TYK2: variants seen among roughly 807,000 people sequenced by gnomAD.
The protein encoded by TYK2 is non-receptor tyrosine-protein kinase TYK2.
Under a neutral mutation model 130.9 loss-of-function variants are expected in TYK2, and 65 were observed. That is an observed-to-expected ratio of 0.50 (90% confidence interval 0.41 to 0.61). TYK2 has a LOEUF of 0.61. TYK2 is among the 20% of genes least tolerant of loss of function. The pLI is 0.00. For missense variants in TYK2, 1,378 were observed against 1,610.7 expected, an observed-to-expected ratio of 0.86 and a Z score of 2.47; for synonymous variants, 647 against 658.9, an observed-to-expected ratio of 0.98 and a Z score of 0.28.
intron 5 of TYK2, among the ~76,000 whole-genome samples, chr19:10,367,207 AC>A (rs2041701310): frequency 6.6e-6 from 1 of 152,086 alleles, no homozygotes; most frequent in South Asian, 2.1e-4. Flanking sequence ...GCGTCTTACC[AC>A]CTTGAGGAGG....
intron 23 of TYK2, among the ~76,000 whole-genome samples, chr19:10,352,113 C>T (rs929108864): frequency 1.4e-4 from 21 of 151,716 alleles, no homozygotes; most frequent in African/African-American, 5.1e-4. Context: ...CGCTCTGTCA[C>T]CCAGCTGGAG....
intron 9 of TYK2, among the ~76,000 whole-genome samples, 180 bp from the exon 10 acceptor site, chr19:10,362,837 T>C (rs772485796): frequency 8.5e-5 from 13 of 152,172 alleles, no homozygotes; most frequent in Non-Finnish European, 1.8e-4. Flanking sequence ...GGAGACACAA[T>C]GCAGCAGCAG....
At chr19:10,366,732 C>CA in intron 5 of TYK2, 152 bp from the exon 6 acceptor site, 5 of 477,610 alleles carry the variant, frequency 1.0e-5, no homozygotes, top group Admixed American at 7.9e-5. Flanking sequence ...AGCTGATGAG[C>CA]TAAAAAAAAA....
At chr19:10,351,846 C>G (rs12720330) in intron 23 of TYK2, among the ~76,000 whole-genome samples, 1 of 151,892 alleles carries the variant, frequency 6.6e-6, no homozygotes, top group Non-Finnish European at 1.5e-5. Flanking sequence ...TCAAGCAATT[C>G]TCCCTGCCTC....
intron 3 of TYK2, among the ~76,000 whole-genome samples, chr19:10,375,054 G>A (rs1465799872): frequency 6.6e-6 from 1 of 151,994 alleles, no homozygotes; most frequent in Middle Eastern, 3.2e-3. Flanking sequence ...TGTAGCCCCA[G>A]CTATTTGGGA....
At chr19:10,352,647 T>C (rs894430668) in intron 22 of TYK2, 96 bp from the exon 23 acceptor site, 2 of 745,842 alleles carry the variant, frequency 2.7e-6, no homozygotes, top group Admixed American at 2.4e-5. Flanking sequence ...AAGGACCCTC[T>C]GGGCTCAGTT....
chr19:10,363,779 G>A (rs532540194), intron 9 of TYK2, among the ~76,000 whole-genome samples: 2 of 152,174 alleles, frequency 1.3e-5, no homozygotes, highest in African/African-American at 2.4e-5. Context: ...ATGTGCAGTG[G>A]CTGACACACG....
At chr19:10,359,084 T>A (rs2041258633) in intron 15 of TYK2, 91 bp downstream of exon 15, 1 of 1,494,704 alleles carries the variant, frequency 6.7e-7, no homozygotes, top group Non-Finnish European at 9.0e-7. Flanking sequence ...ACAAAAAAGA[T>A]GGGGTCTCGC....
Position 10,364,746 on chromosome 19 carries a change from G to A in TYK2, c.1235C>T (p.Ala412Val), listed in dbSNP as rs371919786. The change falls in exon 9 of 25, where the codon GCG becomes GTG. Residue 412 changes from alanine (A) to valine (V), a missense_variant. Physicochemically the swap from Ala to Val is moderately conservative, Grantham distance 64. Transcript: ENST00000525621. The surrounding 1 kb of genome is among the most constrained non-coding windows in gnomAD (Gnocchi z 4.9). The part of the protein sequence containing the change: ...CLELSLPSRA[A>V]ALSFVSLVDG... ...CACCAGCGACACGAAGGACAGCGCC[G>A]CAGCCCGGGAAGGCAAGCTCAGCTC... is the stretch of plus-strand genomic sequence containing the variant. 1.9e-5 allele frequency: 30 copies of A among 1,613,772 alleles called. No homozygotes were observed. Among genetic ancestry groups the A allele is most frequent in the African/African-American group, 1.5e-4 (11 of 74,948 alleles).
At position 10,354,253 on chromosome 19, in the gene TYK2, G is replaced by C; in HGVS notation, c.2716-19C>G. The stretch of plus-strand genomic sequence containing the variant: ...AGTGACCCTGGTCGGGAGCGCACGA[G>C]GGTCAGCTCCACCTCCCCAATCCCT... On this transcript the variant is annotated intron_variant, in intron 19 of 24. Transcript: ENST00000525621. 1 of 1,608,606 alleles carries C rather than the reference G, an allele frequency of 6.2e-7. No individual in the cohort carries two copies. Among genetic ancestry groups the C allele is most frequent in the Non-Finnish European group, 8.5e-7 (1 of 1,179,810 alleles).
At chr19:10,351,582 T>G (rs1166858468) in intron 23 of TYK2, 1 of 255,360 alleles carries the variant, frequency 3.9e-6, no homozygotes, top group Non-Finnish European at 7.8e-6. Context: ...GACTTTGAAT[T>G]TGAGTTCACT....
In TYK2 at chr19:10,372,474, ATATATATATATTTT is replaced by A. The variant is rs1184648374; in HGVS notation, c.194-4070_194-4057del. Among the ~76,000 whole-genome samples, 7 of 61,498 alleles carry A rather than the reference ATATATATATATTTT, an allele frequency of 1.1e-4. No homozygotes were observed. The East Asian group carries it at 2.9e-3, about 26-fold the overall frequency. 40.3% of individuals were successfully genotyped at this position (61,498 alleles called of 152,430 possible). On this transcript the variant is annotated intron_variant, in intron 3 of 24. Coordinates refer to ENST00000525621, the MANE Select transcript of TYK2 (RefSeq NM_003331.5). The stretch of plus-strand genomic sequence containing the variant: ...CACACACAGCTATATATATATATAT[ATATATATATATTTT>A]TTTTTTTTTTTTTTTTTTTGAGACA...
chr19:10,359,089 T>A, intron 15 of TYK2, 86 bp downstream of exon 15: 1 of 1,536,128 alleles, frequency 6.5e-7, no homozygotes, highest in East Asian at 2.3e-5. Context: ...AAAGATGGGG[T>A]CTCGCCCTGT....
chr19:10,372,484 A>ATATATATTTTT (rs1390400916), intron 3 of TYK2, among the ~76,000 whole-genome samples: 10 of 37,424 alleles, frequency 2.7e-4, no homozygotes, highest in African/African-American at 9.2e-4. Flanking sequence ...ATATATATAT[A>ATATATATTTTT]TTTTTTTTTT....
intron 18 of TYK2, among the ~76,000 whole-genome samples, chr19:10,355,839 G>A (rs577642369): frequency 3.0e-4 from 46 of 151,896 alleles, no homozygotes; most frequent in Admixed American, 5.3e-4. Flanking sequence ...GTGGGCGCCT[G>A]TAGTCCCAGC....
intron 18 of TYK2, among the ~76,000 whole-genome samples, chr19:10,356,297 T>C (rs992602910): frequency 6.6e-6 from 1 of 152,166 alleles, no homozygotes; most frequent in African/African-American, 2.4e-5. Context: ...GAGGATTGCT[T>C]GAACCTGGGA....
Position 10,353,582 on chromosome 19 carries a change from G to A in TYK2, c.2973C>T (p.Pro991=). ...GCTGGGCCAGCCCGATGCTGTGCCG[G>A]GGCAGGTAGTCTCGGAGGCTGCCCA... ...VPLGSLRDYL[P]RHSIGLAQLL... is the part of the protein sequence containing the mutation. Residue 991 remains proline, a synonymous_variant, in exon 21 of 25, where the codon CCC becomes CCT. Transcript: ENST00000525621. This position sits in a 1 kb window ranked among gnomAD's most constrained non-coding sequence, Gnocchi z 6.9. 6.7e-7 allele frequency: 1 copy of A among 1,492,632 alleles called. No individual in the cohort carries two copies. The highest frequency in any genetic ancestry group is 8.9e-7 in the Non-Finnish European group (1 of 1,117,900). The allele number at this position is 1,492,632 out of a possible 1,614,324, so 92.5% of individuals were successfully genotyped here.
Position 10,357,749 on chromosome 19 carries a change from G to C in TYK2, c.2466+15C>G, listed in dbSNP as rs747157749. 1 of 1,596,930 alleles carries C rather than the reference G, an allele frequency of 6.3e-7. No individual in the cohort carries two copies. The highest frequency in any genetic ancestry group is 8.5e-7 in the Non-Finnish European group (1 of 1,172,096). On this transcript the variant is annotated intron_variant, in intron 17 of 24. Coordinates refer to ENST00000525621, the MANE Select transcript of TYK2 (RefSeq NM_003331.5). ...CCCCCACTGCGGGGAGGGCCCAAGG[G>C]TCTCCTAGACATACCTCGGAGGGAC...
chr19:10,366,596 T>A lies in TYK2; in HGVS notation c.466-16A>T. 3 of 1,613,920 alleles carry A rather than the reference T, an allele frequency of 1.9e-6. No individual in the cohort carries two copies. Among genetic ancestry groups the A allele is most frequent in the Non-Finnish European group, 2.5e-6 (3 of 1,180,018 alleles). On this transcript the variant is annotated splice_polypyrimidine_tract_variant and intron_variant, in intron 5 of 24. Coordinates refer to ENST00000525621, the MANE Select transcript of TYK2 (RefSeq NM_003331.5). ...CATGCTTGCCCTGGGAACAGGAAAT[T>A]GAGCAGAAAGGGAGGTGTGAGAATG...
Sources: gnomAD v4.1 joint callset for allele counts (sites outside exome capture counted in the v4.1 genomes callset) on GRCh38, gnomAD v4.1.1 for gene constraint, Gnocchi (gnomAD v3.1) non-coding constraint, MANE v1.5 for transcripts, NCBI Gene and HGNC (gene_info 2026-07-23, HGNC 2026-07-21) for gene names.